Variants in DYNLRB2 observed in about 807,000 individuals in gnomAD.
The protein encoded by DYNLRB2 is dynein light chain roadblock-type 2.
Under a neutral mutation model 12.6 loss-of-function variants are expected in DYNLRB2, and 14 were observed. The observed-to-expected ratio is 1.11, with a 90% CI of 0.73 to 1.73. The LOEUF (loss-of-function observed/expected upper bound fraction) is 1.73. Ranked by LOEUF, DYNLRB2 falls within the 40% of genes most tolerant of loss-of-function variation. The pLI is 0.00. For synonymous variants in DYNLRB2, 53 were observed against 37.0 expected (o/e 1.43, Z -1.57); for missense variants, 142 against 117.7 (o/e 1.21, Z -0.95).
At chr16:80,546,048 G>A (rs1377398349) in intron 2 of DYNLRB2, among the ~76,000 whole-genome samples, 1 of 151,982 alleles carries the variant, frequency 6.6e-6, no homozygotes, top group Non-Finnish European at 1.5e-5. Context: ...AAGGTTTCTG[G>A]GTACTTAAGA....
intron 1 of DYNLRB2, chr16:80,541,488 G>A (rs996910364): frequency 4.5e-6 from 3 of 667,412 alleles, no homozygotes; most frequent in Non-Finnish European, 5.6e-6. Context: ...GGAAAGCAAG[G>A]GAATGGAAGG....
Position 80,549,613 on chromosome 16 carries a change from G to C in DYNLRB2, c.209G>C (p.Arg70Thr). The change falls in exon 3 of 4, where the codon AGG becomes ACG. Residue 70 changes from arginine to threonine, a missense_variant. Transcript: ENST00000305904. ...CCTCAGAACGACCTGACTTTTCTTAGGATCAGATCAAAGAAACATGAAATC... is the reference window on the plus strand; with the variant it reads ...CCTCAGAACGACCTGACTTTTCTTACGATCAGATCAAAGAAACATGAAATC... ...IDPQNDLTFL[R>T]IRSKKHEIMV... The C allele has an allele frequency of 6.2e-7, 1 of 1,611,590 alleles. No homozygotes were observed. Among genetic ancestry groups the C allele is most frequent in the Non-Finnish European group, 8.5e-7 (1 of 1,178,160 alleles).
chr16:80,550,698 T>G lies in DYNLRB2; in HGVS notation c.*140T>G, dbSNP rs1597096469. 4.4e-6 allele frequency: 4 copies of G among 900,548 alleles called. No homozygotes were observed. Among genetic ancestry groups the G allele is most frequent in the Non-Finnish European group, 7.0e-6 (4 of 569,426 alleles). The allele number at this position is 900,548 out of a possible 1,614,324, so 55.8% of individuals were successfully genotyped here. A position where few individuals can be genotyped will look rare whatever the true frequency, so the allele number is the denominator to read the frequency against. The stretch of plus-strand genomic sequence containing the variant: ...CTATATCTAAACTGTTCTGCATGTC[T>G]CATTTAGTCCCTTTTGATTATATTG... On this transcript the variant is annotated 3_prime_UTR_variant, in exon 4 of 4. Transcript: ENST00000305904.
intron 2 of DYNLRB2, chr16:80,549,054 G>T: frequency 2.2e-6 from 1 of 455,308 alleles, no homozygotes; most frequent in Admixed American, 2.4e-5. Context: ...TAGTACTCAA[G>T]TAGTCAGTTA....
intron 2 of DYNLRB2, among the ~76,000 whole-genome samples, chr16:80,547,398 A>C (rs999961627): frequency 5.3e-5 from 8 of 152,164 alleles, no homozygotes; most frequent in African/African-American, 1.9e-4. Flanking sequence ...TAATTTTTTT[A>C]ATTACCTCAC....
At chr16:80,541,339 G>C (rs999058563) in intron 1 of DYNLRB2, 54 of 984,396 alleles carry the variant, frequency 5.5e-5, no homozygotes, top group Middle Eastern at 5.2e-4. Context: ...AGAAAGGGAA[G>C]AGAGAGATTC....
intron 2 of DYNLRB2, among the ~76,000 whole-genome samples, chr16:80,546,149 A>T (rs181519932): frequency 1.3e-5 from 2 of 152,344 alleles, no homozygotes; most frequent in East Asian, 1.9e-4. Flanking sequence ...ACCAGAGTAT[A>T]TAACAAGGGT....
chr16:80,543,239 G>A (rs760114193), intron 1 of DYNLRB2, 37 bp from the exon 2 acceptor site: 3 of 1,604,632 alleles, frequency 1.9e-6, no homozygotes, highest in Non-Finnish European at 1.7e-6. Context: ...GTTACCACAG[G>A]GCCCTTTTGG....
intron 2 of DYNLRB2, among the ~76,000 whole-genome samples, chr16:80,543,851 C>CTATA (rs1904314013): frequency 6.6e-6 from 1 of 152,154 alleles, no homozygotes; most frequent in Non-Finnish European, 1.5e-5. Context: ...TAAGAAGGCC[C>CTATA]TACATATTTC....
Position 80,543,226 on chromosome 16 carries a change from G to C in DYNLRB2, c.4-50G>C, listed in dbSNP as rs768896817. On this transcript the variant is annotated intron_variant, in intron 1 of 3. Coordinates refer to ENST00000305904, the MANE Select transcript of DYNLRB2 (RefSeq NM_130897.3). Reference sequence around the variant, plus strand: ...GCTAAACATTATTCTCCTTAGGGTTGAAGTTACCACAGGGCCCTTTTGGTT... The same window carrying C: ...GCTAAACATTATTCTCCTTAGGGTTCAAGTTACCACAGGGCCCTTTTGGTT... 3.2e-6 allele frequency: 5 copies of C among 1,578,778 alleles called. No individual in the cohort carries two copies. The South Asian group carries it at 5.5e-5, about 17-fold the overall frequency.
chr16:80,541,143 C>T, intron 1 of DYNLRB2, 64 bp downstream of exon 1: 1 of 1,561,662 alleles, frequency 6.4e-7, no homozygotes. Flanking sequence ...AGGACCTTCG[C>T]ACCCAGCTTC....
chr16:80,543,432 ATCTT>A, intron 2 of DYNLRB2, 81 bp downstream of exon 2: 1 of 1,349,308 alleles, frequency 7.4e-7, no homozygotes, highest in Non-Finnish European at 1.0e-6. Flanking sequence ...TAAGACAAAC[ATCTT>A]CGAATTTGAC....
rs1043351930 is a variant in DYNLRB2, at chr16:80,541,335, G to C, written c.3+256G>C. 3.0e-6 allele frequency: 3 copies of C among 984,252 alleles called. No individual in the cohort carries two copies. In the African/African-American group the frequency reaches 5.2e-5, roughly 17 times the overall value. 61.0% of individuals were successfully genotyped at this position (984,252 alleles called of 1,614,324 possible). A position where few individuals can be genotyped will look rare whatever the true frequency, so the allele number is the denominator to read the frequency against. The stretch of plus-strand genomic sequence containing the variant: ...ATAAGGAGGGGTGATGTTGAGAAAG[G>C]GAAGAGAGAGATTCAGAGGATGAAG... On this transcript the variant is annotated intron_variant, in intron 1 of 3. Coordinates refer to ENST00000305904, the MANE Select transcript of DYNLRB2 (RefSeq NM_130897.3).
At chr16:80,544,346 TA>T (rs1354923776) in intron 2 of DYNLRB2, among the ~76,000 whole-genome samples, 2 of 152,218 alleles carry the variant, frequency 1.3e-5, no homozygotes, top group East Asian at 3.8e-4. Context: ...TTAATTCATT[TA>T]TACAGTTAAA....
chr16:80,543,936 T>C (rs914151528), intron 2 of DYNLRB2, among the ~76,000 whole-genome samples: 2 of 152,226 alleles, frequency 1.3e-5, no homozygotes, highest in Admixed American at 6.5e-5. Context: ...ACATCACATT[T>C]ACTTTGGCAC....
At chr16:80,548,509 C>T (rs1904622472) in intron 2 of DYNLRB2, among the ~76,000 whole-genome samples, 2 of 152,122 alleles carry the variant, frequency 1.3e-5, no homozygotes, top group South Asian at 4.1e-4. Flanking sequence ...GGGTGGATTA[C>T]CTGAGGTCAG....
rs140396769 is a variant in DYNLRB2, at chr16:80,549,257, A to G, written c.80-227A>G. 1.3e-3 allele frequency: 584 copies of G among 463,032 alleles called. 1 individual carries two copies. Among genetic ancestry groups the G allele is most frequent in the African/African-American group, 9.6e-3 (495 of 51,576 alleles). The allele number at this position is 463,032 out of a possible 1,614,324, so 28.7% of individuals were successfully genotyped here. ...CTTGTATGTTATAATTTTGTGAAGA[A>G]AAAAGCAACAGTCAAGTTTGTAAAT... On this transcript the variant is annotated intron_variant, in intron 2 of 3. Transcript: ENST00000305904.
Position 80,550,719 on chromosome 16 carries a change from T to C in DYNLRB2, c.*161T>C, listed in dbSNP as rs1216652976. On this transcript the variant is annotated 3_prime_UTR_variant, in exon 4 of 4. Coordinates refer to ENST00000305904, the MANE Select transcript of DYNLRB2 (RefSeq NM_130897.3). ...TGTCTCATTTAGTCCCTTTTGATTA[T>C]ATTGTGAAGTTGTACTTTAGTGATA... 4 of 741,706 alleles carry C rather than the reference T, an allele frequency of 5.4e-6. No individual in the cohort carries two copies. The East Asian group carries it at 1.1e-4, about 20-fold the overall frequency. The allele number at this position is 741,706 out of a possible 1,614,324, so 45.9% of individuals were successfully genotyped here. A position where few individuals can be genotyped will look rare whatever the true frequency, so the allele number is the denominator to read the frequency against.
At chr16:80,548,684 C>T (rs376214822) in intron 2 of DYNLRB2, among the ~76,000 whole-genome samples, 2 of 149,014 alleles carry the variant, frequency 1.3e-5, no homozygotes, top group East Asian at 2.0e-4. Flanking sequence ...ATCATGCCGT[C>T]GCACTCCAGC....
Sources: allele counts gnomAD v4.1 joint callset (sites outside exome capture counted in the v4.1 genomes callset), GRCh38; gene constraint gnomAD v4.1.1; transcripts MANE v1.5; gene names NCBI Gene and HGNC (gene_info 2026-07-23, HGNC 2026-07-21).